Variants in RIMS1 observed in about 807,000 individuals in gnomAD.
RIMS1 encodes regulating synaptic membrane exocytosis protein 1.
RIMS1 carries 83 observed loss-of-function variants against 214.1 expected under a neutral mutation model. That is an observed-to-expected ratio of 0.39 (90% CI 0.32 to 0.47). The LOEUF is 0.47. RIMS1 is among the 20% of genes least tolerant of loss of function. The pLI is 0.99. For synonymous variants in RIMS1, 793 were observed against 786.8 expected, an observed-to-expected ratio of 1.01 and a Z score of -0.13; for missense variants, 2,050 against 2,161.8, an observed-to-expected ratio of 0.95 and a Z score of 1.03.
At chr6:72,241,066 A>T (rs564738434) in intron 9 of RIMS1, among the ~76,000 whole-genome samples, 1 of 152,334 alleles carries the variant, frequency 6.6e-6, no homozygotes, top group South Asian at 2.1e-4. Flanking sequence ...CCAAAGCAGC[A>T]TCATGTACTT....
intron 2 of RIMS1, among the ~76,000 whole-genome samples, chr6:72,004,535 T>C (rs534185771): frequency 6.0e-5 from 9 of 151,120 alleles, no homozygotes; most frequent in African/African-American, 2.2e-4. Flanking sequence ...GCACCTGTTG[T>C]TTCCTGACTT....
At chr6:72,005,127 A>T (rs1806955341) in intron 2 of RIMS1, among the ~76,000 whole-genome samples, 1 of 152,150 alleles carries the variant, frequency 6.6e-6, no homozygotes, top group African/African-American at 2.4e-5. Context: ...TTAAATAGGG[A>T]ATCCTTTCCC....
chr6:72,167,555 A>G (rs1288651956), intron 4 of RIMS1, among the ~76,000 whole-genome samples: 1 of 152,124 alleles, frequency 6.6e-6, no homozygotes, highest in Non-Finnish European at 1.5e-5. Flanking sequence ...TTGCCAATGA[A>G]GATATTTGGT....
chr6:72,076,395 C>T (rs1174393846), intron 2 of RIMS1, among the ~76,000 whole-genome samples: 1 of 152,190 alleles, frequency 6.6e-6, no homozygotes, highest in East Asian at 1.9e-4. Flanking sequence ...TGTGCTCTCA[C>T]ATGGTGGAGA....
intron 23 of RIMS1, among the ~76,000 whole-genome samples, chr6:72,282,380 G>A (rs7738408): frequency 0.7 from 106,965 of 151,792 alleles, 38,520 homozygotes; most frequent in East Asian, 0.98. Context: ...ATCAATCATG[G>A]AATCTCTGCC....
chr6:72,251,441 G>C, intron 15 of RIMS1, 73 bp downstream of exon 15: 1 of 1,203,470 alleles, frequency 8.3e-7, no homozygotes, highest in Non-Finnish European at 1.1e-6. Flanking sequence ...AATAATTCAA[G>C]ATGTTTTTTT....
At chr6:72,011,584 A>T (rs1676017348) in intron 2 of RIMS1, among the ~76,000 whole-genome samples, 1 of 152,214 alleles carries the variant, frequency 6.6e-6, no homozygotes, top group South Asian at 2.1e-4. Context: ...TACTCATCTG[A>T]CAAAGGGCTA....
chr6:71,947,566 G>C (rs1788249488), intron 1 of RIMS1, among the ~76,000 whole-genome samples: 1 of 152,102 alleles, frequency 6.6e-6, no homozygotes, highest in African/African-American at 2.4e-5. Context: ...TTGGGGAGAT[G>C]TTGGTCAAAT....
intron 28 of RIMS1, among the ~76,000 whole-genome samples, chr6:72,315,663 A>G (rs1414807313): frequency 1.3e-5 from 2 of 152,162 alleles, no homozygotes; most frequent in South Asian, 2.1e-4. Context: ...TTCTGTCTAC[A>G]TATTCTCATA....
intron 1 of RIMS1, among the ~76,000 whole-genome samples, chr6:71,929,896 A>G (rs1421008404): frequency 6.6e-6 from 1 of 152,032 alleles, no homozygotes; most frequent in East Asian, 1.9e-4. Context: ...TGAGAAAAAA[A>G]AAACCAGAAT....
intron 2 of RIMS1, among the ~76,000 whole-genome samples, chr6:71,990,657 T>TG (rs902512372): frequency 2.0e-4 from 31 of 151,930 alleles, no homozygotes; most frequent in African/African-American, 7.5e-4. Context: ...ATGAGAGACC[T>TG]GGGGGCTGAA....
At chr6:72,112,657 T>C (rs572386158) in intron 4 of RIMS1, among the ~76,000 whole-genome samples, 1 of 152,248 alleles carries the variant, frequency 6.6e-6, no homozygotes, top group South Asian at 2.1e-4. Flanking sequence ...CCAAACTCTC[T>C]TCAGGTCTCT....
At chr6:72,119,482 C>T (rs1251287266) in intron 4 of RIMS1, among the ~76,000 whole-genome samples, 2 of 151,598 alleles carry the variant, frequency 1.3e-5, no homozygotes, top group Non-Finnish European at 3.0e-5. Flanking sequence ...CAAAAAAGAG[C>T]CTGAATAGCC....
Position 71,900,641 on chromosome 6 carries a change from A to G in RIMS1, c.164+13454A>G, listed in dbSNP as rs893037900. 7.9e-5 allele frequency among the ~76,000 whole-genome samples: 12 copies of G among 152,184 alleles called. No individual in the cohort carries two copies. The South Asian group carries it at 2.5e-3, about 32-fold the overall frequency. On this transcript the variant is annotated intron_variant, in intron 1 of 33. Coordinates refer to ENST00000521978, the MANE Select transcript of RIMS1 (RefSeq NM_014989.7). ...AACCACAACTGTTATTGTTGTTTTA[A>G]TTGATTGAATATGGGTTGATGTCAG...
At chr6:71,909,513 CTG>C (rs1776285436) in intron 1 of RIMS1, among the ~76,000 whole-genome samples, 1 of 152,092 alleles carries the variant, frequency 6.6e-6, no homozygotes, top group Non-Finnish European at 1.5e-5. Context: ...CTTGATTCTG[CTG>C]TCTCTAATCT....
rs531110234 is a variant in RIMS1 at position 72,112,619 on chromosome 6, C to T, written c.471+12633C>T. On this transcript the variant is annotated intron_variant, in intron 4 of 33. Coordinates refer to ENST00000521978, the MANE Select transcript of RIMS1 (RefSeq NM_014989.7). ...CAGGCTGCTAGCATAACTCTCTTTTCCTGGAACATTATTTCCACTCCTCAC... is the reference window on the plus strand; with the variant it reads ...CAGGCTGCTAGCATAACTCTCTTTTTCTGGAACATTATTTCCACTCCTCAC... 9.2e-5 allele frequency among the ~76,000 whole-genome samples: 14 copies of T among 152,212 alleles called. No individual in the cohort carries two copies. In the South Asian group the frequency reaches 2.9e-3, roughly 32 times the overall value.
At chr6:72,216,307 C>A in intron 6 of RIMS1, 1 of 259,698 alleles carries the variant, frequency 3.9e-6, no homozygotes, top group Non-Finnish European at 6.0e-6. Flanking sequence ...CTACAGTCCT[C>A]AAAAATATGC....
intron 4 of RIMS1, among the ~76,000 whole-genome samples, chr6:72,163,171 T>C (rs2045720653): frequency 7.1e-6 from 1 of 140,528 alleles, no homozygotes; most frequent in African/African-American, 2.5e-5. Flanking sequence ...TTCCAGTTGA[T>C]CGAATCGGCT....
At chr6:72,045,384 T>C (rs1320261009) in intron 2 of RIMS1, among the ~76,000 whole-genome samples, 1 of 151,940 alleles carries the variant, frequency 6.6e-6, no homozygotes. Context: ...TCACCAAACA[T>C]ATTTATTATC....
Sources: gnomAD v4.1 joint callset for allele counts (sites outside exome capture counted in the v4.1 genomes callset) on GRCh38, gnomAD v4.1.1 for gene constraint, MANE v1.5 for transcripts, NCBI Gene and HGNC (gene_info 2026-07-23, HGNC 2026-07-21) for gene names.